MTUS2: variants seen among roughly 807,000 people sequenced by gnomAD.
MTUS2 encodes the protein microtubule associated scaffold protein 2.
MTUS2 carries 40 observed loss-of-function variants against 114.1 expected under a neutral mutation model. That is an observed-to-expected ratio of 0.35 (90% confidence interval 0.27 to 0.46). MTUS2 has a LOEUF of 0.46. Ranked by LOEUF, MTUS2 falls within the 20% of genes least tolerant of loss-of-function variation. MTUS2 has a pLI of 1.00. For synonymous variants in MTUS2, 688 were observed against 672.0 expected (o/e 1.02, Z -0.37); for missense variants, 1,679 against 1,705.4 (o/e 0.98, Z 0.27).
At chr13:28,877,248 G>A (rs1877998365) in intron 2 of MTUS2, among the ~76,000 whole-genome samples, 1 of 151,448 alleles carries the variant, frequency 6.6e-6, no homozygotes, top group Non-Finnish European at 1.5e-5. Context: ...AACCCAGGAG[G>A]TGGAGCTTGC....
intron 6 of MTUS2, among the ~76,000 whole-genome samples, chr13:29,296,490 C>T (rs962612924): frequency 6.6e-6 from 1 of 152,116 alleles, no homozygotes; most frequent in Admixed American, 6.5e-5. Context: ...TTAGCCACAA[C>T]CCCCAGCCTA....
intron 7 of MTUS2, among the ~76,000 whole-genome samples, chr13:29,328,581 G>T (rs149827661): frequency 4.6e-3 from 707 of 152,302 alleles, no homozygotes; most frequent in Admixed American, 7.2e-3. Context: ...GGAGACCAAG[G>T]TTCTTAGTAT....
intron 8 of MTUS2, among the ~76,000 whole-genome samples, chr13:29,422,449 TTA>T (rs1876176194): frequency 1.3e-5 from 2 of 152,154 alleles, no homozygotes; most frequent in Non-Finnish European, 2.9e-5. Context: ...TTATCATTAG[TTA>T]TTGCTCCAAA....
At chr13:29,013,287 G>T (rs753280134) in intron 2 of MTUS2, among the ~76,000 whole-genome samples, 3 of 151,654 alleles carry the variant, frequency 2.0e-5, no homozygotes, top group Non-Finnish European at 4.4e-5. Flanking sequence ...CAGTATGTTG[G>T]CTTTTCAAAC....
chr13:28,852,665 G>C (rs552238118), intron 2 of MTUS2, among the ~76,000 whole-genome samples: 1 of 152,116 alleles, frequency 6.6e-6, no homozygotes. Context: ...AGGAGTTCGA[G>C]ATCAGCCTGG....
At chr13:29,254,366 A>G (rs1471568708) in intron 5 of MTUS2, among the ~76,000 whole-genome samples, 1 of 152,224 alleles carries the variant, frequency 6.6e-6, no homozygotes, top group Non-Finnish European at 1.5e-5. Flanking sequence ...ACCTGTACCC[A>G]GGCTGTGGGA....
chr13:28,888,012 C>T (rs139443740), intron 2 of MTUS2, among the ~76,000 whole-genome samples: 28 of 152,280 alleles, frequency 1.8e-4, no homozygotes, highest in Admixed American at 5.2e-4. Flanking sequence ...TGCTGTTGGC[C>T]ATCCAGTCGC....
intron 2 of MTUS2, among the ~76,000 whole-genome samples, chr13:29,022,343 C>T (rs931242378): frequency 5.9e-5 from 9 of 152,060 alleles, no homozygotes; most frequent in Non-Finnish European, 7.4e-5. Flanking sequence ...TGGGCTGTCA[C>T]GTGTTATATT....
chr13:29,043,185 A>G (rs1382804026), intron 4 of MTUS2, among the ~76,000 whole-genome samples: 3 of 152,082 alleles, frequency 2.0e-5, no homozygotes, highest in Non-Finnish European at 2.9e-5. Flanking sequence ...TGATTTCATT[A>G]TTGATGCAAC....
intron 5 of MTUS2, among the ~76,000 whole-genome samples, chr13:29,230,177 C>T (rs891906186): frequency 9.9e-5 from 15 of 152,254 alleles, no homozygotes; most frequent in African/African-American, 2.6e-4. Flanking sequence ...ACCCAGGAGG[C>T]GGAGCTTGCA....
chr13:28,871,357 T>C (rs1877606760), intron 2 of MTUS2, among the ~76,000 whole-genome samples: 1 of 152,164 alleles, frequency 6.6e-6, no homozygotes, highest in Non-Finnish European at 1.5e-5. Context: ...GAGCTTTTCA[T>C]GTCAGGTGTG....
At chr13:28,978,707 C>G (rs1803559817) in intron 2 of MTUS2, among the ~76,000 whole-genome samples, 1 of 152,192 alleles carries the variant, frequency 6.6e-6, no homozygotes, top group South Asian at 2.1e-4. Context: ...TGTAATTCCT[C>G]ATGATAACAT....
At chr13:29,312,150 C>T (rs1191593174) in intron 6 of MTUS2, among the ~76,000 whole-genome samples, 1 of 152,222 alleles carries the variant, frequency 6.6e-6, no homozygotes, top group Non-Finnish European at 1.5e-5. Context: ...GAAGCCTTAC[C>T]TGGCTCCTCC....
rs551675086 is a variant in MTUS2 at position 29,346,404 on chromosome 13, G to C, written c.2906-12858G>C. Among the ~76,000 whole-genome samples the C allele has an allele frequency of 1.3e-3, 193 of 152,206 alleles. 1 individual carries two copies. The highest frequency in any genetic ancestry group is 3.5e-3 in the African/African-American group (144 of 41,506). Reference sequence around the variant, plus strand: ...TGGCTGTTGTGGAGGATGAGGATGTGGTTTCAGGCCAATGGAGTTATGTTC... The same window carrying C: ...TGGCTGTTGTGGAGGATGAGGATGTCGTTTCAGGCCAATGGAGTTATGTTC... On this transcript the variant is annotated intron_variant, in intron 7 of 15. Coordinates refer to ENST00000612955, the MANE Select transcript of MTUS2 (RefSeq NM_001033602.4).
chr13:29,350,473 A>G (rs1869134374), intron 7 of MTUS2, among the ~76,000 whole-genome samples: 1 of 82,606 alleles, frequency 1.2e-5, no homozygotes, highest in Non-Finnish European at 3.4e-5. Flanking sequence ...CTCAGACTTC[A>G]GATCTCTGAC....
At chr13:28,973,738 G>C (rs1883960645) in intron 2 of MTUS2, among the ~76,000 whole-genome samples, 1 of 152,180 alleles carries the variant, frequency 6.6e-6, no homozygotes. Context: ...CACAGTATTG[G>C]ATAGTCACAA....
At chr13:28,945,380 A>G (rs1261765933) in intron 2 of MTUS2, among the ~76,000 whole-genome samples, 1 of 152,010 alleles carries the variant, frequency 6.6e-6, no homozygotes, top group East Asian at 1.9e-4. Flanking sequence ...AGGTAGTTCT[A>G]TTTTTAGTTC....
At chr13:29,169,009 A>C (rs534239086) in intron 5 of MTUS2, among the ~76,000 whole-genome samples, 57 of 152,022 alleles carry the variant, frequency 3.7e-4, no homozygotes, top group African/African-American at 1.4e-3. Context: ...GTTTGGAGTG[A>C]CCACCAATGA....
chr13:29,478,107 G>A (rs1880841764), intron 9 of MTUS2, among the ~76,000 whole-genome samples: 1 of 152,174 alleles, frequency 6.6e-6, no homozygotes, highest in African/African-American at 2.4e-5. Flanking sequence ...ATAGTGTCCA[G>A]GTTCTAAAAG....
Sources: allele counts gnomAD v4.1 joint callset (sites outside exome capture counted in the v4.1 genomes callset), GRCh38; gene constraint gnomAD v4.1.1; transcripts MANE v1.5; gene names NCBI Gene and HGNC (gene_info 2026-07-23, HGNC 2026-07-21).